The following HCN1 variants were observed in gnomAD, a reference collection of about 807,000 sequenced individuals.
The protein encoded by HCN1 is potassium/sodium hyperpolarization-activated cyclic nucleotide-gated channel 1.
Under a neutral mutation model 78.9 loss-of-function variants are expected in HCN1, and 13 were observed. The ratio of observed to expected loss-of-function variants is 0.16; its 90% CI spans 0.11 to 0.26. The LOEUF is 0.26. HCN1 is among the 10% of genes least tolerant of loss of function. The pLI, the probability that HCN1 is intolerant of heterozygous loss-of-function variation, is 1.00. For missense variants in HCN1, 810 were observed against 1,154.3 expected (o/e 0.70, Z 4.32); for synonymous variants, 552 against 455.5 (o/e 1.21, Z -2.70).
chr5:45,505,126 T>G (rs1742272063), intron 2 of HCN1, among the ~76,000 whole-genome samples: 2 of 152,226 alleles, frequency 1.3e-5, no homozygotes, highest in South Asian at 4.1e-4. Context: ...TTTGTCAATT[T>G]TGGCTTTTGT....
intron 5 of HCN1, among the ~76,000 whole-genome samples, chr5:45,327,388 A>G (rs906982435): frequency 6.6e-6 from 1 of 151,650 alleles, no homozygotes; most frequent in Non-Finnish European, 1.5e-5. Flanking sequence ...TTTTTTCAAA[A>G]TTTTATTATA....
intron 5 of HCN1, among the ~76,000 whole-genome samples, chr5:45,309,495 C>T (rs188905827): frequency 4.0e-4 from 61 of 151,962 alleles, no homozygotes; most frequent in African/African-American, 1.1e-3. Context: ...TGATGTTAGC[C>T]GTGGGTTTGT....
intron 2 of HCN1, among the ~76,000 whole-genome samples, chr5:45,612,307 T>C (rs1207856673): frequency 6.6e-6 from 1 of 152,208 alleles, no homozygotes; most frequent in African/African-American, 2.4e-5. Context: ...TCTGTATCAT[T>C]CATTTATCTT....
chr5:45,301,544 C>T (rs142597825), intron 6 of HCN1, among the ~76,000 whole-genome samples: 1 of 151,184 alleles, frequency 6.6e-6, no homozygotes, highest in East Asian at 2.0e-4. Context: ...ATGGTGACAT[C>T]CCGTCTCTAC....
intron 6 of HCN1, among the ~76,000 whole-genome samples, chr5:45,280,859 G>GAGAT (rs1003445607): frequency 2.6e-5 from 4 of 152,128 alleles, no homozygotes; most frequent in African/African-American, 9.7e-5. Context: ...TTGTTCATGA[G>GAGAT]AGATAGCTAT....
At chr5:45,361,559 G>T (rs1747109950) in intron 4 of HCN1, among the ~76,000 whole-genome samples, 1 of 152,160 alleles carries the variant, frequency 6.6e-6, no homozygotes, top group African/African-American at 2.4e-5. Context: ...TGATCCACCT[G>T]CCTTGGCCTC....
chr5:45,374,516 C>T (rs1267538924), intron 4 of HCN1, among the ~76,000 whole-genome samples: 1 of 149,392 alleles, frequency 6.7e-6, no homozygotes, highest in Non-Finnish European at 1.5e-5. Context: ...AAAATCCTGC[C>T]AACCACAAAA....
intron 2 of HCN1, among the ~76,000 whole-genome samples, chr5:45,551,234 A>G (rs530250627): frequency 6.6e-6 from 1 of 152,108 alleles, no homozygotes; most frequent in East Asian, 1.9e-4. Flanking sequence ...ATTACAATGA[A>G]GAATTGGTCA....
intron 2 of HCN1, among the ~76,000 whole-genome samples, chr5:45,568,672 T>A (rs1328175018): frequency 6.6e-6 from 1 of 152,068 alleles, no homozygotes; most frequent in African/African-American, 2.4e-5. Context: ...AAAAAAAAAT[T>A]AACACTCGTT....
At position 45,258,384 on chromosome 5, in the gene HCN1, A is replaced by C. The variant is rs2111832599; in HGVS notation, c.*3537T>G. 1 of 152,306 alleles carries C rather than the reference A, an allele frequency of 6.6e-6. No homozygotes were observed. The highest frequency in any genetic ancestry group is 2.4e-5 in the African/African-American group (1 of 41,586). 9.4% of individuals were successfully genotyped at this position (152,306 alleles called of 1,614,324 possible). A position where few individuals can be genotyped will look rare whatever the true frequency, so the allele number is the denominator to read the frequency against. On this transcript the variant is annotated 3_prime_UTR_variant, in exon 8 of 8. Transcript: ENST00000303230. Reference sequence around the variant, plus strand: ...GAAAATAGTATGCTCAGTTAAGTTTATAAATTGCAAAATAACCATCTCTTT... The same window carrying C: ...GAAAATAGTATGCTCAGTTAAGTTTCTAAATTGCAAAATAACCATCTCTTT...
At chr5:45,271,090 C>A (rs1227020643) in intron 6 of HCN1, among the ~76,000 whole-genome samples, 4 of 152,016 alleles carry the variant, frequency 2.6e-5, no homozygotes, top group Non-Finnish European at 5.9e-5. Context: ...CTGTTTAAAG[C>A]CTACATGAAG....
At chr5:45,640,035 T>A (rs891730568) in intron 2 of HCN1, among the ~76,000 whole-genome samples, 18 of 152,188 alleles carry the variant, frequency 1.2e-4, no homozygotes, top group African/African-American at 4.3e-4. Context: ...GGTAATCCAT[T>A]CTCCAGATTC....
chr5:45,695,910 C>T lies in HCN1; in HGVS notation c.184G>A (p.Asp62Asn), dbSNP rs1275868182. ...EHGNSVCFKV[D>N]GGGGGGGGGG... ...CCGCCGCCACCGCCGCCACCGCCGTCCACCTTGAAGCACACGGAGTTGCCG... is the reference window on the plus strand; with the variant it reads ...CCGCCGCCACCGCCGCCACCGCCGTTCACCTTGAAGCACACGGAGTTGCCG... The change falls in exon 1 of 8, where the codon GAC (aspartate) becomes AAC (asparagine). Residue 62 changes from aspartate (D) to asparagine (N), a missense_variant. By Grantham distance (23) the Asp-to-Asn change is conservative. Coordinates refer to ENST00000303230, the MANE Select transcript of HCN1 (RefSeq NM_021072.4). 3 of 1,511,720 alleles carry T rather than the reference C, an allele frequency of 2.0e-6. 1 individual carries two copies. The highest frequency in any genetic ancestry group is 2.5e-5 in the South Asian group (2 of 81,134). 93.6% of individuals were successfully genotyped at this position (1,511,720 alleles called of 1,614,324 possible). A position where few individuals can be genotyped will look rare whatever the true frequency, so the allele number is the denominator to read the frequency against.
At chr5:45,328,127 G>T (rs1021632685) in intron 5 of HCN1, among the ~76,000 whole-genome samples, 1 of 151,600 alleles carries the variant, frequency 6.6e-6, no homozygotes, top group Non-Finnish European at 1.5e-5. Context: ...GAACCCATTT[G>T]CTGTCAATCA....
At position 45,353,211 on chromosome 5, in the gene HCN1, C is replaced by T. The variant is rs1476659423; in HGVS notation, c.1266G>A (p.Lys422=). 1.9e-6 allele frequency: 3 copies of T among 1,608,834 alleles called. No homozygotes were observed. Among genetic ancestry groups the T allele is most frequent in the Non-Finnish European group, 2.6e-6 (3 of 1,176,022 alleles). The change falls in exon 5 of 8, where the codon AAG becomes AAA. Residue 422 remains lysine, a synonymous_variant. Transcript: ENST00000303230. ...TCTTCTGACGCATATCAGCTGGTAA[C>T]TTATGGAATGACATGTATTGTTCCA... is the stretch of plus-strand genomic sequence containing the variant. The part of the protein sequence containing the change: ...KQVEQYMSFH[K]LPADMRQKIH...
At chr5:45,537,392 AT>A (rs563659143) in intron 2 of HCN1, among the ~76,000 whole-genome samples, 1,083 of 87,036 alleles carry the variant, frequency 0.012, 6 homozygotes, top group Middle Eastern at 0.027. Context: ...CTGATTATGC[AT>A]TTTTTTTTGT....
intron 1 of HCN1, 35 bp downstream of exon 1, chr5:45,695,634 G>C: frequency 6.2e-7 from 1 of 1,602,140 alleles, no homozygotes; most frequent in African/African-American, 1.3e-5. Flanking sequence ...GGGCGCGCCT[G>C]AAGGGAGGGT....
chr5:45,446,703 A>G (rs1436661349), intron 3 of HCN1, among the ~76,000 whole-genome samples: 1 of 152,256 alleles, frequency 6.6e-6, no homozygotes, highest in Non-Finnish European at 1.5e-5. Context: ...CAGAAACTCT[A>G]CAAGTCAGAA....
In HCN1 at chr5:45,421,271, C is replaced by T. The variant is rs574801410; in HGVS notation, c.1012-24561G>A. On this transcript the variant is annotated intron_variant, in intron 3 of 7. Coordinates refer to ENST00000303230, the MANE Select transcript of HCN1 (RefSeq NM_021072.4). ...TAGAGACTGGGTTTCACTGTGTTAG[C>T]CAGGATGGTCTCGATCTCCTGATCT... Among the ~76,000 whole-genome samples, 6 of 152,200 alleles carry T rather than the reference C, an allele frequency of 3.9e-5. No homozygotes were observed. The East Asian group carries it at 5.8e-4, about 15-fold the overall frequency.
Sources: gnomAD v4.1 joint callset for allele counts (sites outside exome capture counted in the v4.1 genomes callset) on GRCh38, gnomAD v4.1.1 for gene constraint, MANE v1.5 for transcripts, NCBI Gene and HGNC (gene_info 2026-07-23, HGNC 2026-07-21) for gene names.